Variants in PCDH15 observed in about 807,000 individuals in gnomAD.
PCDH15 encodes protocadherin related 15.
A neutral mutation model predicts 178.5 loss-of-function variants in PCDH15; 129 were observed. The ratio of observed to expected loss-of-function variants is 0.72; its 90% CI spans 0.63 to 0.84. The LOEUF (loss-of-function observed/expected upper bound fraction) is 0.84. Among genes scored for constraint, PCDH15 ranks in the 40% least tolerant of loss-of-function variants. PCDH15 has a pLI of 0.00. For synonymous variants in PCDH15, 800 were observed against 732.0 expected (o/e 1.09, Z -1.50); for missense variants, 2,230 against 2,099.9 (o/e 1.06, Z -1.21).
chr10:55,187,757 C>T (rs1219741852), intron 1 of PCDH15, among the ~76,000 whole-genome samples: 1 of 151,774 alleles, frequency 6.6e-6, no homozygotes, highest in Non-Finnish European at 1.5e-5. Flanking sequence ...AGAAAAAGAA[C>T]ATGTAACAGA....
At chr10:54,381,258 C>G (rs576659395) in intron 3 of PCDH15, among the ~76,000 whole-genome samples, 1 of 152,024 alleles carries the variant, frequency 6.6e-6, no homozygotes, top group African/African-American at 2.4e-5. Context: ...TAGAAGAATA[C>G]GTGACACCCA....
At chr10:54,722,841 T>C (rs1018446310) in intron 1 of PCDH15, among the ~76,000 whole-genome samples, 3 of 151,274 alleles carry the variant, frequency 2.0e-5, no homozygotes, top group South Asian at 2.1e-4. Context: ...TTAAGCAAAA[T>C]AGTTAAATAT....
At chr10:55,398,604 C>A (rs1270805289) in intron 2 of PCDH15, among the ~76,000 whole-genome samples, 1 of 151,914 alleles carries the variant, frequency 6.6e-6, no homozygotes, top group Non-Finnish European at 1.5e-5. Flanking sequence ...TATAATTTAC[C>A]AAATCAAAAG....
At position 54,441,286 on chromosome 10, in the gene PCDH15, C is replaced by A. The variant is rs902874725; in HGVS notation, c.158-62344G>T. 5.3e-5 allele frequency among the ~76,000 whole-genome samples: 8 copies of A among 151,906 alleles called. No individual in the cohort carries two copies. The East Asian group carries it at 1.5e-3, about 29-fold the overall frequency. ...TTTTTATTAATATACTTCTACTATT[C>A]TACCCCAATCAACAGCAAATTTACC... On this transcript the variant is annotated intron_variant, in intron 3 of 37. Transcript: ENST00000644397.
chr10:54,838,866 A>G (rs1564556353), intron 3 of PCDH15, among the ~76,000 whole-genome samples: 1 of 152,138 alleles, frequency 6.6e-6, no homozygotes, highest in Non-Finnish European at 1.5e-5. Flanking sequence ...CCACTGACTC[A>G]ATAGGAAACC....
intron 2 of PCDH15, chr10:55,366,301 T>A (rs1417229387): frequency 6.6e-6 from 1 of 152,120 alleles, no homozygotes; most frequent in Non-Finnish European, 1.5e-5. Flanking sequence ...GATAACTTTA[T>A]GAATAAGACC....
chr10:54,408,052 CAAAAAA>C (rs71461239), intron 3 of PCDH15, among the ~76,000 whole-genome samples: 3 of 83,734 alleles, frequency 3.6e-5, no homozygotes, highest in East Asian at 9.0e-4. Context: ...GAGACTCTGT[CAAAAAA>C]AAAAAAAAAA....
chr10:55,382,620 T>C (rs1054762587), intron 2 of PCDH15, among the ~76,000 whole-genome samples: 16 of 152,192 alleles, frequency 1.1e-4, no homozygotes, highest in South Asian at 2.1e-4. Context: ...TATAGAACTG[T>C]ATGATAACGT....
chr10:54,936,876 T>A (rs1733768), intron 2 of PCDH15, among the ~76,000 whole-genome samples: 20,344 of 151,890 alleles, frequency 0.13, 1,563 homozygotes, highest in East Asian at 0.23. Flanking sequence ...TCTATTTTTC[T>A]TTTGTTGTTT....
intron 1 of PCDH15, among the ~76,000 whole-genome samples, chr10:55,184,807 G>T (rs1839751424): frequency 6.6e-6 from 1 of 151,858 alleles, no homozygotes; most frequent in African/African-American, 2.4e-5. Flanking sequence ...TGCACACAAA[G>T]TTAAACCACG....
intron 3 of PCDH15, among the ~76,000 whole-genome samples, chr10:54,447,879 A>G (rs2076239757): frequency 6.6e-6 from 1 of 151,730 alleles, no homozygotes; most frequent in Non-Finnish European, 1.5e-5. Context: ...CTGTGAAAAC[A>G]AAACCACTAT....
At chr10:54,945,147 G>C (rs1204773688) in intron 2 of PCDH15, among the ~76,000 whole-genome samples, 2 of 151,710 alleles carry the variant, frequency 1.3e-5, no homozygotes, top group African/African-American at 4.8e-5. Flanking sequence ...TTTGTTGAAA[G>C]ATACATAGAA....
intron 2 of PCDH15, among the ~76,000 whole-genome samples, chr10:55,609,003 G>GTT (rs1459643020): frequency 2.3e-4 from 23 of 100,326 alleles, no homozygotes; most frequent in Non-Finnish European, 2.9e-4. Context: ...ATACATATAT[G>GTT]TTATATATAT....
At chr10:54,111,132 C>T (rs939073213) in intron 15 of PCDH15, among the ~76,000 whole-genome samples, 1 of 152,060 alleles carries the variant, frequency 6.6e-6, no homozygotes, top group Non-Finnish European at 1.5e-5. Context: ...AAAATTACAG[C>T]CTTTATATAC....
At chr10:54,943,591 T>G (rs1051219162) in intron 2 of PCDH15, among the ~76,000 whole-genome samples, 1 of 151,984 alleles carries the variant, frequency 6.6e-6, no homozygotes, top group African/African-American at 2.4e-5. Flanking sequence ...TGGAGTATGT[T>G]AAAGAGCATT....
chr10:54,102,844 A>G (rs2094836987), intron 15 of PCDH15, among the ~76,000 whole-genome samples: 1 of 152,156 alleles, frequency 6.6e-6, no homozygotes. Flanking sequence ...CTGAAACCCC[A>G]TTAATTATCT....
intron 32 of PCDH15, chr10:53,821,742 C>T: frequency 2.6e-6 from 4 of 1,539,588 alleles, no homozygotes; most frequent in Non-Finnish European, 3.5e-6. Context: ...AAAAAAACTG[C>T]ATTTCATTGA....
intron 13 of PCDH15, among the ~76,000 whole-genome samples, chr10:54,173,290 T>C (rs2047093789): frequency 1.3e-5 from 2 of 152,196 alleles, no homozygotes; most frequent in African/African-American, 2.4e-5. Context: ...ATAGTTTCTT[T>C]ATTTCTTATG....
At chr10:54,208,763 T>C (rs1438048973) in intron 10 of PCDH15, among the ~76,000 whole-genome samples, 1 of 151,972 alleles carries the variant, frequency 6.6e-6, no homozygotes, top group Non-Finnish European at 1.5e-5. Flanking sequence ...TTGTGTGTGT[T>C]TCATTCTTGC....
Sources: allele counts gnomAD v4.1 joint callset (sites outside exome capture counted in the v4.1 genomes callset), GRCh38; gene constraint gnomAD v4.1.1; transcripts MANE v1.5; gene names NCBI Gene and HGNC (gene_info 2026-07-23, HGNC 2026-07-21).